Variants in BIN3 observed in about 807,000 individuals in gnomAD.
BIN3 encodes the protein bridging integrator 3.
In BIN3, 41 loss-of-function variants were observed where a neutral mutation model predicts 38.2. That is an observed-to-expected ratio of 1.07 (90% CI 0.84 to 1.39). The LOEUF is 1.39. BIN3 is among the 40% of genes most tolerant of loss of function. The probability of loss-of-function intolerance (pLI) is 0.00; values close to 1 mark genes in which losing one functional copy is unlikely to be tolerated. For missense variants in BIN3, 361 were observed against 324.3 expected (o/e 1.11, Z -0.87); for synonymous variants, 145 against 122.6 (o/e 1.18, Z -1.21).
intron 1 of BIN3, among the ~76,000 whole-genome samples, chr8:22,663,440 TA>T (rs35060338): frequency 0.035 from 4,530 of 128,606 alleles, 178 homozygotes; most frequent in African/African-American, 0.11. Flanking sequence ...CCGATTTGTT[TA>T]AAAAAAAAAA....
At chr8:22,664,094 C>T (rs552617747) in intron 1 of BIN3, among the ~76,000 whole-genome samples, 1 of 152,340 alleles carries the variant, frequency 6.6e-6, no homozygotes, top group African/African-American at 2.4e-5. Flanking sequence ...TCACACTATA[C>T]TGGGCCCTAT....
Position 22,623,998 on chromosome 8 carries a change from GC to G in BIN3, c.531del (p.Arg177SerfsTer101). 1 of 1,612,986 alleles carries G rather than the reference GC, an allele frequency of 6.2e-7. No homozygotes were observed. Among genetic ancestry groups the G allele is most frequent in the Non-Finnish European group, 8.5e-7 (1 of 1,179,760 alleles). On this transcript the variant is annotated frameshift_variant, in exon 8 of 9. Transcript: ENST00000276416. LOFTEE classifies it high-confidence loss of function. ...PVREDFEAKN[R>X]QLLEEMPRFY... ...AAGCGCGGCATCTCCTCCAGCAGCT[GC>G]CTGTTCTTGGCTTCAAAGTCCTCCC...
intron 2 of BIN3, among the ~76,000 whole-genome samples, chr8:22,641,029 A>T (rs1802539163): frequency 6.6e-6 from 1 of 152,142 alleles, no homozygotes; most frequent in Non-Finnish European, 1.5e-5. Flanking sequence ...CTGGGGAAAG[A>T]TGCACGGGGA....
At position 22,630,021 on chromosome 8, in the gene BIN3, C is replaced by G. The variant is rs369465170; in HGVS notation, c.298-17G>C. On this transcript the variant is annotated splice_polypyrimidine_tract_variant and intron_variant, in intron 5 of 8. Transcript: ENST00000276416. ...CTGGTTCACCTGTCAAAGAAAAACC[C>G]AAAGACATTAAAACTGGTGGGGAGG... The G allele has an allele frequency of 2.5e-6, 4 of 1,605,828 alleles. No homozygotes were observed. Among genetic ancestry groups the G allele is most frequent in the South Asian group, 1.1e-5 (1 of 89,662 alleles).
chr8:22,642,413 AG>A (rs1339771610), intron 2 of BIN3, among the ~76,000 whole-genome samples: 1 of 152,146 alleles, frequency 6.6e-6, no homozygotes, highest in Non-Finnish European at 1.5e-5. Flanking sequence ...TGGGGAGTGG[AG>A]GGGTATAGGC....
At position 22,624,043 on chromosome 8, in the gene BIN3, C is replaced by T. The variant is rs547175536; in HGVS notation, c.487G>A (p.Glu163Lys). The T allele has an allele frequency of 4.7e-5, 75 of 1,612,744 alleles. 1 individual carries two copies. In the South Asian group the frequency reaches 6.5e-4, roughly 14 times the overall value. The change falls in exon 8 of 9, where the codon GAG becomes AAG. Residue 163 changes from glutamate (E) to lysine (K), a missense_variant. By Grantham distance (56) the Glu-to-Lys change is moderately conservative. Coordinates refer to ENST00000276416, the MANE Select transcript of BIN3 (RefSeq NM_018688.6). ...TCCTCCCGCACAGGCCGCAGCTCCT[C>T]TCGTGCCTAGGGAACAAGACCTGGG... is the stretch of plus-strand genomic sequence containing the variant. ...PVLAKLHQAR[E>K]ELRPVREDFE...
intron 1 of BIN3, among the ~76,000 whole-genome samples, chr8:22,661,352 CTTTTTTTTT>C (rs751194383): frequency 4.7e-5 from 4 of 84,450 alleles, no homozygotes; most frequent in East Asian, 8.2e-4. Flanking sequence ...ATGTATCATT[CTTTTTTTTT>C]TTTTTTTTTT....
chr8:22,664,211 A>G (rs749972998), intron 1 of BIN3, among the ~76,000 whole-genome samples: 2 of 152,230 alleles, frequency 1.3e-5, no homozygotes, highest in African/African-American at 4.8e-5. Flanking sequence ...AGTATAATAC[A>G]TATAACACCT....
chr8:22,652,821 CTATCTT>C (rs1440322090), intron 1 of BIN3, among the ~76,000 whole-genome samples: 1 of 152,202 alleles, frequency 6.6e-6, no homozygotes, highest in African/African-American at 2.4e-5. Context: ...TAACACACCT[CTATCTT>C]TGTCTCCCTA....
At chr8:22,623,800 G>A in intron 8 of BIN3, 115 bp downstream of exon 8, 1 of 1,316,492 alleles carries the variant, frequency 7.6e-7, no homozygotes, top group Middle Eastern at 2.4e-4. Context: ...GCTTTGCCTG[G>A]GGTGGGTGCC....
chr8:22,636,484 C>A, intron 4 of BIN3, 41 bp downstream of exon 4: 1 of 1,548,072 alleles, frequency 6.5e-7, no homozygotes, highest in South Asian at 1.2e-5. Flanking sequence ...CACCTCTGCC[C>A]CACCTGCTCA....
At chr8:22,654,697 A>G (rs181279681) in intron 1 of BIN3, among the ~76,000 whole-genome samples, 6 of 152,336 alleles carry the variant, frequency 3.9e-5, no homozygotes, top group Admixed American at 3.9e-4. Context: ...ATACTAGTTC[A>G]GTGTATGGAT....
At chr8:22,626,739 G>A (rs916271766) in intron 6 of BIN3, among the ~76,000 whole-genome samples, 3 of 152,180 alleles carry the variant, frequency 2.0e-5, no homozygotes, top group African/African-American at 7.2e-5. Flanking sequence ...GCGTGAAGCC[G>A]TGTGTGCGCA....
At chr8:22,638,702 A>G (rs1457938133) in intron 2 of BIN3, among the ~76,000 whole-genome samples, 4 of 152,146 alleles carry the variant, frequency 2.6e-5, no homozygotes, top group African/African-American at 9.7e-5. Flanking sequence ...CCTCATTTCA[A>G]CTGTAAAATC....
chr8:22,665,699 G>T lies in BIN3; in HGVS notation c.8+3345C>A, dbSNP rs138401856. ...TGGAGGATGGAACACACGGAGTGAA[G>T]ATGGACAGCCAGGCCCAGAGGGCCT... On this transcript the variant is annotated intron_variant, in intron 1 of 8. Transcript: ENST00000276416. Among the ~76,000 whole-genome samples the T allele has an allele frequency of 2.5e-3, 386 of 152,354 alleles. 3 individuals are homozygous for T. The highest frequency in any genetic ancestry group is 8.8e-3 in the African/African-American group (365 of 41,582).
chr8:22,657,068 C>T (rs1803079243), intron 1 of BIN3, among the ~76,000 whole-genome samples: 1 of 152,326 alleles, frequency 6.6e-6, no homozygotes, highest in Non-Finnish European at 1.5e-5. Context: ...TGTTAAGGGC[C>T]ACCTTTGTTC....
chr8:22,625,296 G>T lies in BIN3; in HGVS notation c.339-933C>A, dbSNP rs763719629. Reference sequence around the variant, plus strand: ...GCTGGCCCTCGGTGCAATGGCAGGGGGCGTCTACCAGGCAAGCCAGAGCCC... The same window carrying T: ...GCTGGCCCTCGGTGCAATGGCAGGGTGCGTCTACCAGGCAAGCCAGAGCCC... On this transcript the variant is annotated intron_variant, in intron 6 of 8. Transcript: ENST00000276416. The T allele has an allele frequency of 5.7e-6, 4 of 701,962 alleles. No homozygotes were observed. The African/African-American group carries it at 7.0e-5, about 12-fold the overall frequency. 43.5% of individuals were successfully genotyped at this position (701,962 alleles called of 1,614,324 possible).
At chr8:22,640,318 T>C (rs1476309754) in intron 2 of BIN3, among the ~76,000 whole-genome samples, 1 of 151,758 alleles carries the variant, frequency 6.6e-6, no homozygotes, top group East Asian at 1.9e-4. Context: ...CAGCTGGGAC[T>C]ACAGGAGTGA....
At chr8:22,629,225 C>T (rs1414994343) in intron 6 of BIN3, among the ~76,000 whole-genome samples, 1 of 152,152 alleles carries the variant, frequency 6.6e-6, no homozygotes, top group East Asian at 1.9e-4. Flanking sequence ...CCGGCCCTGG[C>T]AAGGCACTGC....
Sources: allele counts gnomAD v4.1 joint callset (sites outside exome capture counted in the v4.1 genomes callset), GRCh38; gene constraint gnomAD v4.1.1; transcripts MANE v1.5; gene names NCBI Gene and HGNC (gene_info 2026-07-23, HGNC 2026-07-21).